CNTN5: variants seen among roughly 807,000 people sequenced by gnomAD.
CNTN5 encodes contactin-5.
CNTN5 carries 77 observed loss-of-function variants against 129.1 expected under a neutral mutation model. That is an observed-to-expected ratio of 0.60 (90% CI 0.50 to 0.72). The LOEUF (loss-of-function observed/expected upper bound fraction) is 0.72, where lower values mean the gene tolerates loss of function less well. CNTN5 is among the 30% of genes least tolerant of loss of function. CNTN5 has a pLI of 0.00. For missense variants in CNTN5, 1,478 were observed against 1,328.8 expected (o/e 1.11, Z -1.75); for synonymous variants, 509 against 465.6 (o/e 1.09, Z -1.20).
chr11:99,632,831 A>G lies in CNTN5; in HGVS notation c.55+76562A>G, dbSNP rs185455934. 2.9e-3 allele frequency among the ~76,000 whole-genome samples: 440 copies of G among 152,192 alleles called. 4 individuals are homozygous for G. The highest frequency in any genetic ancestry group is 9.9e-3 in the African/African-American group (412 of 41,548). ...TTTTGGGGTAAATTATTCAGTTTCCATATATTCAGAAGAGTTTTGTTGAAA... is the reference window on the plus strand; with the variant it reads ...TTTTGGGGTAAATTATTCAGTTTCCGTATATTCAGAAGAGTTTTGTTGAAA... On this transcript the variant is annotated intron_variant, in intron 3 of 24. Transcript: ENST00000524871.
In CNTN5 at chr11:100,074,140, A is replaced by G. The variant is rs200278406; in HGVS notation, c.1430-4A>G. 44 of 1,605,044 alleles carry G rather than the reference A, an allele frequency of 2.7e-5. No homozygotes were observed. In the South Asian group the frequency reaches 4.3e-4, roughly 16 times the overall value. On this transcript the variant is annotated splice_polypyrimidine_tract_variant and splice_region_variant and intron_variant, in intron 12 of 24. Coordinates refer to ENST00000524871, the MANE Select transcript of CNTN5 (RefSeq NM_014361.4). ...GTAGAAACTAACATTTGCTTTTTTAATAGCTTCAGCTCCCACTTTTGCACT... is the reference window on the plus strand; with the variant it reads ...GTAGAAACTAACATTTGCTTTTTTAGTAGCTTCAGCTCCCACTTTTGCACT...
chr11:100,142,250 G>T (rs1291069702), intron 13 of CNTN5, among the ~76,000 whole-genome samples: 1 of 152,146 alleles, frequency 6.6e-6, no homozygotes, highest in Non-Finnish European at 1.5e-5. Flanking sequence ...CTTGGGACTT[G>T]TCAGCCTCCA....
intron 1 of CNTN5, among the ~76,000 whole-genome samples, chr11:99,102,997 A>C (rs1359337218): frequency 2.0e-5 from 3 of 152,178 alleles, no homozygotes; most frequent in African/African-American, 7.2e-5. Flanking sequence ...CAGTCATGGC[A>C]GAAGGCAAAA....
rs368912453 is a variant in CNTN5 at position 99,689,530 on chromosome 11, GAAA to G, written c.56-129994_56-129992del. Among the ~76,000 whole-genome samples, 404 of 92,910 alleles carry G rather than the reference GAAA, an allele frequency of 4.3e-3. 4 individuals carry two copies. The highest frequency in any genetic ancestry group is 0.016 in the African/African-American group (389 of 23,770). The allele number at this position is 92,910 out of a possible 152,430, so 61.0% of individuals were successfully genotyped here. ...CGACAGAGTGAGACTCCTCAAAAAA[GAAA>G]AAAAAAAAAAAAAAAAAAAGGCATT... is the stretch of plus-strand genomic sequence containing the variant. On this transcript the variant is annotated intron_variant, in intron 3 of 24. Transcript: ENST00000524871.
At chr11:99,217,314 C>T (rs1184311793) in intron 1 of CNTN5, among the ~76,000 whole-genome samples, 1 of 152,132 alleles carries the variant, frequency 6.6e-6, no homozygotes, top group Admixed American at 6.5e-5. Flanking sequence ...AGATGGCCAA[C>T]AGTTATATGT....
In CNTN5 at chr11:100,299,221, C is replaced by G. The variant is rs201906273; in HGVS notation, c.2445C>G (p.Pro815=). The change falls in exon 20 of 25, where the codon CCC becomes CCG. Residue 815 remains proline (P), a synonymous_variant. Transcript: ENST00000524871. ...EGFGYIVAFR[P]NGTRGWKEKM... is the part of the protein sequence containing the mutation. ...TCGGCTATATTGTGGCTTTCAGACC[C>G]AATGGAACACGTGGCTGGAAGGAAA... 6.2e-7 allele frequency: 1 copy of G among 1,610,008 alleles called. No individual in the cohort carries two copies. The highest frequency in any genetic ancestry group is 8.5e-7 in the Non-Finnish European group (1 of 1,177,434).
At chr11:99,779,783 C>A (rs189566122) in intron 3 of CNTN5, among the ~76,000 whole-genome samples, 2 of 152,032 alleles carry the variant, frequency 1.3e-5, no homozygotes, top group East Asian at 3.9e-4. Context: ...TTGTGGCCAA[C>A]AACAAATCCC....
chr11:99,960,116 T>G (rs1211053190), intron 8 of CNTN5, among the ~76,000 whole-genome samples: 1 of 152,182 alleles, frequency 6.6e-6, no homozygotes, highest in Middle Eastern at 3.2e-3. Context: ...TATCTGCACG[T>G]CTTGGTTACT....
chr11:100,077,047 G>A (rs1944158714), intron 13 of CNTN5, among the ~76,000 whole-genome samples: 1 of 152,068 alleles, frequency 6.6e-6, no homozygotes, highest in Admixed American at 6.6e-5. Context: ...ACTTAACAAT[G>A]TCAAATGCCT....
At chr11:99,477,233 T>C (rs948049814) in intron 2 of CNTN5, among the ~76,000 whole-genome samples, 2 of 152,114 alleles carry the variant, frequency 1.3e-5, no homozygotes, top group Admixed American at 6.5e-5. Flanking sequence ...TATTACACAA[T>C]TGAGACTCTT....
At chr11:99,148,796 T>C (rs1859909566) in intron 1 of CNTN5, among the ~76,000 whole-genome samples, 1 of 152,084 alleles carries the variant, frequency 6.6e-6, no homozygotes, top group African/African-American at 2.4e-5. Flanking sequence ...TCTACTCTTC[T>C]CTCCATTCAT....
chr11:99,493,294 G>T (rs1250343226), intron 2 of CNTN5, among the ~76,000 whole-genome samples: 1 of 152,194 alleles, frequency 6.6e-6, no homozygotes, highest in Non-Finnish European at 1.5e-5. Flanking sequence ...AGTTTCAAAA[G>T]ATGAAGTCAG....
chr11:100,340,703 C>T (rs1952139707), intron 22 of CNTN5, 54 bp downstream of exon 22: 1 of 1,481,894 alleles, frequency 6.7e-7, no homozygotes, highest in Non-Finnish European at 9.0e-7. Context: ...CATCGTATAA[C>T]ATTTCTCAAA....
chr11:99,916,540 TTAG>T (rs1312823668), intron 7 of CNTN5, among the ~76,000 whole-genome samples: 34 of 152,246 alleles, frequency 2.2e-4, no homozygotes, highest in African/African-American at 8.2e-4. Flanking sequence ...AACTGGATAC[TTAG>T]TTGTTTATGG....
At chr11:99,998,135 G>C (rs1348554864) in intron 8 of CNTN5, among the ~76,000 whole-genome samples, 1 of 151,630 alleles carries the variant, frequency 6.6e-6, no homozygotes, top group Non-Finnish European at 1.5e-5. Context: ...ATTCAACAGA[G>C]TGTTGGAAGT....
chr11:99,544,131 G>C (rs72995234), intron 2 of CNTN5, among the ~76,000 whole-genome samples: 1,705 of 152,108 alleles, frequency 0.011, 17 homozygotes, highest in Non-Finnish European at 0.018. Flanking sequence ...AGTTTCTGGG[G>C]AGGCCTCAGG....
In CNTN5 at chr11:99,641,200, A is replaced by G. The variant is rs80282438; in HGVS notation, c.55+84931A>G. ...ATCAGGTGTAGCCATTACACTTGAA[A>G]TAATCCAGCTATTGGGATTTCTTAA... On this transcript the variant is annotated intron_variant, in intron 3 of 24. Coordinates refer to ENST00000524871, the MANE Select transcript of CNTN5 (RefSeq NM_014361.4). Among the ~76,000 whole-genome samples the G allele has an allele frequency of 6.7e-3, 1,021 of 152,322 alleles. 66 individuals are homozygous for G. The East Asian group carries it at 0.17, about 25-fold the overall frequency.
chr11:99,283,373 C>G (rs1863785124), intron 1 of CNTN5, among the ~76,000 whole-genome samples: 1 of 152,042 alleles, frequency 6.6e-6, no homozygotes, highest in African/African-American at 2.4e-5. Context: ...TGTTGTTTCT[C>G]TCTGTCTCAC....
At chr11:100,221,229 G>C (rs192358469) in intron 15 of CNTN5, among the ~76,000 whole-genome samples, 1 of 152,304 alleles carries the variant, frequency 6.6e-6, no homozygotes, top group Non-Finnish European at 1.5e-5. Flanking sequence ...AACAGGCTAT[G>C]GGAAGTATGC....
Sources: allele counts gnomAD v4.1 joint callset (sites outside exome capture counted in the v4.1 genomes callset), GRCh38; gene constraint gnomAD v4.1.1; transcripts MANE v1.5; gene names NCBI Gene and HGNC (gene_info 2026-07-23, HGNC 2026-07-21).